MAGI2: variants seen among roughly 807,000 people sequenced by gnomAD.
MAGI2 encodes membrane associated guanylate kinase, WW and PDZ domain containing 2, also known as membrane-associated guanylate kinase, WW and PDZ domain-containing protein 2.
In MAGI2, 35 loss-of-function variants were observed where a neutral mutation model predicts 133.3. That is an observed-to-expected ratio of 0.26 (90% CI 0.20 to 0.35). The LOEUF (loss-of-function observed/expected upper bound fraction) is 0.35. Ranked by LOEUF, MAGI2 falls within the 10% of genes least tolerant of loss-of-function variation. The probability of loss-of-function intolerance (pLI) is 1.00; values close to 1 mark genes in which losing one functional copy is unlikely to be tolerated. For missense variants in MAGI2, 1,636 were observed against 1,863.4 expected (o/e 0.88, Z 2.25); for synonymous variants, 729 against 710.6 (o/e 1.03, Z -0.41).
At chr7:78,442,897 G>C (rs976240039) in intron 6 of MAGI2, among the ~76,000 whole-genome samples, 3 of 152,088 alleles carry the variant, frequency 2.0e-5, no homozygotes, top group African/African-American at 7.2e-5. Flanking sequence ...GATTAGAAAA[G>C]GCAGTTTCCT....
intron 2 of MAGI2, among the ~76,000 whole-genome samples, chr7:78,989,761 C>T (rs1414621511): frequency 6.6e-6 from 1 of 151,888 alleles, no homozygotes; most frequent in South Asian, 2.1e-4. Context: ...CAACATGAGG[C>T]CTTGTTGCAT....
chr7:78,485,348 C>G (rs534287319), intron 6 of MAGI2: 49 of 152,046 alleles, frequency 3.2e-4, no homozygotes, highest in African/African-American at 1.1e-3. Flanking sequence ...GTGTACAGAG[C>G]TATGACAAAT....
At chr7:79,068,429 A>C (rs1326759554) in intron 1 of MAGI2, among the ~76,000 whole-genome samples, 1 of 152,070 alleles carries the variant, frequency 6.6e-6, no homozygotes, top group Admixed American at 6.6e-5. Flanking sequence ...TTGTGGGATC[A>C]GTGGTGATAT....
At chr7:79,391,620 G>A (rs867881639) in intron 1 of MAGI2, among the ~76,000 whole-genome samples, 38 of 147,542 alleles carry the variant, frequency 2.6e-4, no homozygotes, top group African/African-American at 8.7e-4. Context: ...TTGTTACATA[G>A]GTATACGTGT....
At chr7:79,332,407 T>C (rs1419367431) in intron 1 of MAGI2, among the ~76,000 whole-genome samples, 1 of 152,224 alleles carries the variant, frequency 6.6e-6, no homozygotes, top group Non-Finnish European at 1.5e-5. Context: ...AGGCAGATAC[T>C]GTGTTCTGCT....
Position 79,037,624 on chromosome 7 carries a change from G to GA in MAGI2, c.302-30419dup, listed in dbSNP as rs530596085. Among the ~76,000 whole-genome samples, 32 of 152,222 alleles carry GA rather than the reference G, an allele frequency of 2.1e-4. No individual in the cohort carries two copies. The South Asian group carries it at 6.2e-3, about 30-fold the overall frequency. ...AATCACAGTACCAACATTATACTGAGAAAATGTGATAAAGCCCTAATCATC... is the reference window on the plus strand; with the variant it reads ...AATCACAGTACCAACATTATACTGAGAAAAATGTGATAAAGCCCTAATCATC... On this transcript the variant is annotated intron_variant, in intron 1 of 21. Coordinates refer to ENST00000354212, the MANE Select transcript of MAGI2 (RefSeq NM_012301.4).
chr7:78,971,907 A>C (rs909533823), intron 2 of MAGI2, among the ~76,000 whole-genome samples: 9 of 151,962 alleles, frequency 5.9e-5, no homozygotes, highest in Admixed American at 5.3e-4. Flanking sequence ...ATGTATGTAG[A>C]GCTTATAAAG....
intron 2 of MAGI2, among the ~76,000 whole-genome samples, chr7:78,953,989 A>T (rs62467732): frequency 2.0e-5 from 3 of 152,252 alleles, no homozygotes; most frequent in African/African-American, 7.2e-5. Flanking sequence ...GAAATTTTCA[A>T]ATGGAACAAT....
rs115710729 is a variant in MAGI2, at chr7:78,268,886, T to C, written c.1409-12305A>G. ...GTGCCATGGTGGTTTGCTGTACCCTTCAACCCATCATCTACATTAGGTATT... is the reference window on the plus strand; with the variant it reads ...GTGCCATGGTGGTTTGCTGTACCCTCCAACCCATCATCTACATTAGGTATT... On this transcript the variant is annotated intron_variant, in intron 9 of 21. Transcript: ENST00000354212. 5.7e-3 allele frequency among the ~76,000 whole-genome samples: 867 copies of C among 152,262 alleles called. 5 individuals are homozygous for C. The highest frequency in any genetic ancestry group is 0.02 in the African/African-American group (817 of 41,542).
intron 6 of MAGI2, among the ~76,000 whole-genome samples, chr7:78,461,997 A>C (rs886372071): frequency 6.7e-6 from 1 of 149,144 alleles, no homozygotes; most frequent in Non-Finnish European, 1.5e-5. Flanking sequence ...AAATTAAGTG[A>C]TTATAAGGTG....
chr7:78,019,765 C>T lies in MAGI2; in HGVS notation c.3918G>A (p.Lys1306=), dbSNP rs1325477273. Reference sequence around the variant, plus strand: ...CCCTCTGCTCCCCGAGGCGCTGCTTCTTCTGGCCGCAGGCTGAAAGCTCCT... The same window carrying T: ...CCCTCTGCTCCCCGAGGCGCTGCTTTTTCTGGCCGCAGGCTGAAAGCTCCT... ...KPKELSACGQ[K]KQRLGEQRER... The change falls in exon 22 of 22, where the codon AAG becomes AAA. Residue 1306 remains lysine (K), a synonymous_variant. Transcript: ENST00000354212. The T allele has an allele frequency of 3.7e-6, 6 of 1,612,564 alleles. No homozygotes were observed. Among genetic ancestry groups the T allele is most frequent in the Non-Finnish European group, 5.1e-6 (6 of 1,179,744 alleles).
At chr7:78,592,219 A>G (rs1804079961) in intron 3 of MAGI2, among the ~76,000 whole-genome samples, 1 of 152,236 alleles carries the variant, frequency 6.6e-6, no homozygotes. Context: ...TGCATATCTG[A>G]AACAAATATA....
chr7:79,041,628 G>A (rs1811677609), intron 1 of MAGI2, among the ~76,000 whole-genome samples: 2 of 151,952 alleles, frequency 1.3e-5, no homozygotes, highest in South Asian at 4.1e-4. Context: ...TTTTAAATAT[G>A]AGGGCATGCC....
intron 2 of MAGI2, among the ~76,000 whole-genome samples, chr7:78,729,686 C>T (rs7779263): frequency 1.2e-4 from 19 of 152,282 alleles, no homozygotes; most frequent in African/African-American, 4.3e-4. Context: ...TAGATAGATG[C>T]TTCATACTGT....
At chr7:78,390,406 T>C (rs1795791889) in intron 6 of MAGI2, among the ~76,000 whole-genome samples, 1 of 152,200 alleles carries the variant, frequency 6.6e-6, no homozygotes, top group Non-Finnish European at 1.5e-5. Flanking sequence ...AATTTGAACA[T>C]TATAAAATTT....
At chr7:78,904,643 C>T (rs1335623416) in intron 2 of MAGI2, among the ~76,000 whole-genome samples, 1 of 151,332 alleles carries the variant, frequency 6.6e-6, no homozygotes, top group Non-Finnish European at 1.5e-5. Context: ...CCTGGGACTA[C>T]AGACATGTGT....
chr7:79,345,960 G>T (rs576669946), intron 1 of MAGI2, among the ~76,000 whole-genome samples: 25 of 152,018 alleles, frequency 1.6e-4, no homozygotes, highest in African/African-American at 6.0e-4. Context: ...AAATGATCTG[G>T]CAATAACTTC....
At chr7:78,859,232 C>G (rs1053427526) in intron 2 of MAGI2, among the ~76,000 whole-genome samples, 2 of 152,122 alleles carry the variant, frequency 1.3e-5, no homozygotes, top group African/African-American at 2.4e-5. Flanking sequence ...GCATTTAGCC[C>G]ATTTACATTT....
At chr7:79,273,594 C>G (rs1373477952) in intron 1 of MAGI2, among the ~76,000 whole-genome samples, 11 of 151,794 alleles carry the variant, frequency 7.2e-5, no homozygotes, top group Non-Finnish European at 1.6e-4. Flanking sequence ...AGAATTGTTT[C>G]CAGAATTTTG....
Sources: gnomAD v4.1 joint callset for allele counts (sites outside exome capture counted in the v4.1 genomes callset) on GRCh38, gnomAD v4.1.1 for gene constraint, MANE v1.5 for transcripts, NCBI Gene and HGNC (gene_info 2026-07-23, HGNC 2026-07-21) for gene names.